Variants in CLDN20 observed in about 807,000 individuals in gnomAD.
The protein encoded by CLDN20 is claudin 20.
For missense variants in CLDN20, 258 were observed against 267.9 expected (o/e 0.96, Z 0.26); for synonymous variants, 104 against 103.6 (o/e 1.00, Z -0.03).
chr6:155,268,890 T>C, intron 1 of CLDN20, among the ~76,000 whole-genome samples: 1 of 146,114 alleles, frequency 6.8e-6, no homozygotes, highest in Non-Finnish European at 1.5e-5. Flanking sequence ...CCCTCCACTA[T>C]TGTCCTATGA....
At chr6:155,266,970 CT>C (rs375412255) in intron 1 of CLDN20, among the ~76,000 whole-genome samples, 37,634 of 127,070 alleles carry the variant, frequency 0.3, 5,224 homozygotes, top group East Asian at 0.61. Context: ...ACTTTGCTGC[CT>C]TTTTTTTTTT....
chr6:155,265,773 A>G (rs899690629), intron 1 of CLDN20, among the ~76,000 whole-genome samples: 1 of 146,592 alleles, frequency 6.8e-6, no homozygotes, highest in Non-Finnish European at 1.5e-5. Context: ...AATATATAAT[A>G]TGTAAATATT....
rs1219515280 is a variant in CLDN20 at position 155,276,276 on chromosome 6, T to C, written c.557T>C (p.Ile186Thr). Reference sequence around the variant, plus strand: ...GGCATGATTTTCTGCACCTCCTGTATAAAAAGGAATCCAGAAGCTAGACTC... The same window carrying C: ...GGCATGATTTTCTGCACCTCCTGTACAAAAAGGAATCCAGAAGCTAGACTC... ...ISGMIFCTSC[I>T]KRNPEARLDP... Residue 186 changes from isoleucine to threonine, a missense_variant, in exon 2 of 2, where the codon ATA becomes ACA. Ile to Thr is a moderately conservative substitution (Grantham distance 89). Transcript: ENST00000367165. The C allele has an allele frequency of 1.9e-6, 3 of 1,614,094 alleles. No homozygotes were observed. The highest frequency in any genetic ancestry group is 1.6e-4 in the Middle Eastern group (1 of 6,062).
chr6:155,266,111 C>A (rs113817188), intron 1 of CLDN20, among the ~76,000 whole-genome samples: 3,115 of 152,150 alleles, frequency 0.02, 51 homozygotes, highest in African/African-American at 0.031. Context: ...TTTGACAACA[C>A]CCTCACAGAT....
chr6:155,270,374 T>C (rs1394757589), intron 1 of CLDN20, among the ~76,000 whole-genome samples: 1 of 152,190 alleles, frequency 6.6e-6, no homozygotes, highest in East Asian at 1.9e-4. Flanking sequence ...AAAAGATTAA[T>C]ATCCCTTTAA....
At chr6:155,273,015 G>A (rs1169964691) in intron 1 of CLDN20, among the ~76,000 whole-genome samples, 1 of 152,206 alleles carries the variant, frequency 6.6e-6, no homozygotes, top group Non-Finnish European at 1.5e-5. Context: ...GCAAGCAGAT[G>A]CTGTTAGAAA....
At chr6:155,268,205 A>G (rs1011413145) in intron 1 of CLDN20, among the ~76,000 whole-genome samples, 5 of 152,054 alleles carry the variant, frequency 3.3e-5, no homozygotes, top group Admixed American at 2.0e-4. Flanking sequence ...TCTGTCTCCA[A>G]TTCTGATCTC....
At chr6:155,269,965 T>C (rs1247555596) in intron 1 of CLDN20, among the ~76,000 whole-genome samples, 1 of 152,188 alleles carries the variant, frequency 6.6e-6, no homozygotes, top group Non-Finnish European at 1.5e-5. Context: ...CAGAGAGAAG[T>C]GCTTGCCCTG....
chr6:155,271,589 T>C (rs912149004), intron 1 of CLDN20, among the ~76,000 whole-genome samples: 1 of 152,178 alleles, frequency 6.6e-6, no homozygotes, highest in African/African-American at 2.4e-5. Context: ...AATGATTATT[T>C]TGAAAATTAA....
At chr6:155,268,907 C>G (rs1483293291) in intron 1 of CLDN20, among the ~76,000 whole-genome samples, 2 of 138,174 alleles carry the variant, frequency 1.4e-5, no homozygotes, top group East Asian at 4.2e-4. Flanking sequence ...ATGACCCTGC[C>G]AAATCCCCCT....
At chr6:155,265,487 T>C (rs59751032) in intron 1 of CLDN20, among the ~76,000 whole-genome samples, 2,130 of 134,206 alleles carry the variant, frequency 0.016, 56 homozygotes, top group African/African-American at 0.056. Flanking sequence ...ATACTGTTAA[T>C]TTCCTAAGGC....
Position 155,276,428 on chromosome 6 carries a change from C to A in CLDN20, c.*49C>A. 6.7e-7 allele frequency: 1 copy of A among 1,488,990 alleles called. No individual in the cohort carries two copies. The highest frequency in any genetic ancestry group is 9.1e-7 in the Non-Finnish European group (1 of 1,099,462). 92.2% of individuals were successfully genotyped at this position (1,488,990 alleles called of 1,614,324 possible). A position where few individuals can be genotyped will look rare whatever the true frequency, so the allele number is the denominator to read the frequency against. Reference sequence around the variant, plus strand: ...TGGAACTTTTGGGTGCCAAATGGGACTTTTAGATTAAAAAAAAATCAGAAT... The same window carrying A: ...TGGAACTTTTGGGTGCCAAATGGGAATTTTAGATTAAAAAAAAATCAGAAT... On this transcript the variant is annotated 3_prime_UTR_variant, in exon 2 of 2. Coordinates refer to ENST00000367165, the MANE Select transcript of CLDN20 (RefSeq NM_001001346.3).
At chr6:155,268,282 A>G (rs1055596831) in intron 1 of CLDN20, among the ~76,000 whole-genome samples, 5 of 152,180 alleles carry the variant, frequency 3.3e-5, no homozygotes, top group Admixed American at 6.5e-5. Flanking sequence ...AAACACTCTG[A>G]TGGTTCACAC....
intron 1 of CLDN20, among the ~76,000 whole-genome samples, chr6:155,269,611 C>A (rs1784834130): frequency 6.6e-6 from 1 of 152,136 alleles, no homozygotes; most frequent in Non-Finnish European, 1.5e-5. Flanking sequence ...TGTGAGCCAC[C>A]ACGCCCGGCC....
intron 1 of CLDN20, among the ~76,000 whole-genome samples, chr6:155,273,743 C>T (rs1191902296): frequency 1.3e-5 from 2 of 152,256 alleles, no homozygotes; most frequent in East Asian, 3.9e-4. Flanking sequence ...GGAGAGAGAT[C>T]TGGACGCTGC....
rs1785154052 is a variant in CLDN20, at chr6:155,275,637, C to T, written c.-83C>T. 7.3e-7 allele frequency: 1 copy of T among 1,365,798 alleles called. No individual in the cohort carries two copies. The highest frequency in any genetic ancestry group is 1.0e-6 in the Non-Finnish European group (1 of 989,358). 84.6% of individuals were successfully genotyped at this position (1,365,798 alleles called of 1,614,324 possible). On this transcript the variant is annotated 5_prime_UTR_variant, in exon 2 of 2. Coordinates refer to ENST00000367165, the MANE Select transcript of CLDN20 (RefSeq NM_001001346.3). ...TTAGGCTTTGTTATTTGGTTCTCTACTGCACAGAAATAGATAGAATTCTGA... is the reference window on the plus strand; with the variant it reads ...TTAGGCTTTGTTATTTGGTTCTCTATTGCACAGAAATAGATAGAATTCTGA...
chr6:155,264,218 C>T lies in CLDN20; in HGVS notation c.-175C>T, dbSNP rs902211481. The T allele has an allele frequency of 6.6e-6, 1 of 152,166 alleles. No homozygotes were observed. The highest frequency in any genetic ancestry group is 2.4e-5 in the African/African-American group (1 of 41,420). The allele number at this position is 152,166 out of a possible 1,614,324, so 9.4% of individuals were successfully genotyped here. A position where few individuals can be genotyped will look rare whatever the true frequency, so the allele number is the denominator to read the frequency against. On this transcript the variant is annotated 5_prime_UTR_variant, in exon 1 of 2. It introduces an in-frame stop codon into an upstream open reading frame of the 5' UTR. Transcript: ENST00000367165. ...CACCCTCCAGTGTCTGCTTGCTCTT[C>T]AAGTACCTCCACCAAGCTAATGACA...
chr6:155,264,570 G>T (rs1395392033), intron 1 of CLDN20, among the ~76,000 whole-genome samples: 2 of 152,176 alleles, frequency 1.3e-5, no homozygotes, highest in African/African-American at 4.8e-5. Flanking sequence ...TTGTGTTATT[G>T]TAACAATATT....
intron 1 of CLDN20, among the ~76,000 whole-genome samples, chr6:155,264,621 A>G (rs1039610011): frequency 6.6e-5 from 10 of 152,262 alleles, no homozygotes; most frequent in African/African-American, 2.2e-4. Context: ...TTTTCTTCCT[A>G]CAGATCTTTG....
Sources: gnomAD v4.1 joint callset for allele counts (sites outside exome capture counted in the v4.1 genomes callset) on GRCh38, gnomAD v4.1.1 for gene constraint, MANE v1.5 for transcripts, NCBI Gene and HGNC (gene_info 2026-07-23, HGNC 2026-07-21) for gene names.